The following SLC4A7 variants were observed in gnomAD, a reference collection of about 807,000 sequenced individuals.
The protein encoded by SLC4A7 is sodium bicarbonate cotransporter 3.
A neutral mutation model predicts 137.6 loss-of-function variants in SLC4A7; 51 were observed. That is an observed-to-expected ratio of 0.37 (90% CI 0.30 to 0.47). The LOEUF (loss-of-function observed/expected upper bound fraction) is 0.47. Among genes scored for constraint, SLC4A7 ranks in the 20% least tolerant of loss-of-function variants. The probability of loss-of-function intolerance (pLI) is 1.00; values close to 1 mark genes in which losing one functional copy is unlikely to be tolerated. For missense variants in SLC4A7, 1,247 were observed against 1,525.4 expected, an observed-to-expected ratio of 0.82 and a Z score of 3.04; for synonymous variants, 542 against 518.6, an observed-to-expected ratio of 1.05 and a Z score of -0.61.
chr3:27,412,550 T>C (rs1193408243), intron 11 of SLC4A7, among the ~76,000 whole-genome samples: 1 of 152,122 alleles, frequency 6.6e-6, no homozygotes, highest in Non-Finnish European at 1.5e-5. Flanking sequence ...GCAAGGCTCA[T>C]CTACAAATAT....
At chr3:27,465,423 A>G (rs2058932558) in intron 1 of SLC4A7, among the ~76,000 whole-genome samples, 1 of 151,760 alleles carries the variant, frequency 6.6e-6, no homozygotes, top group Admixed American at 6.6e-5. Flanking sequence ...AGATGGTTCA[A>G]AATTTTCCTA....
At position 27,405,091 on chromosome 3, in the gene SLC4A7, T is replaced by G. The variant is rs140711195; in HGVS notation, c.1942-128A>C. On this transcript the variant is annotated intron_variant, in intron 13 of 25. Coordinates refer to ENST00000454389, the MANE Select transcript of SLC4A7 (RefSeq NM_001321103.2). The stretch of plus-strand genomic sequence containing the variant: ...AGCAGTTATAAAACCAACACCACTT[T>G]GAGTTTTTAATTTAAAATATAAAAA... 686 of 473,426 alleles carry G rather than the reference T, an allele frequency of 1.4e-3. 1 individual carries two copies. Among genetic ancestry groups the G allele is most frequent in the African/African-American group, 0.012 (592 of 49,636 alleles). The allele number at this position is 473,426 out of a possible 1,614,324, so 29.3% of individuals were successfully genotyped here.
intron 3 of SLC4A7, among the ~76,000 whole-genome samples, chr3:27,438,842 T>C (rs1576465567): frequency 6.6e-6 from 1 of 152,146 alleles, no homozygotes; most frequent in Admixed American, 6.5e-5. Context: ...ATACAGAAAC[T>C]GTCTTTTCCT....
At chr3:27,380,973 A>C (rs949727045) in intron 24 of SLC4A7, among the ~76,000 whole-genome samples, 2 of 152,200 alleles carry the variant, frequency 1.3e-5, no homozygotes, top group South Asian at 2.1e-4. Context: ...ATAGGAAAAA[A>C]TTTGCCTGCA....
At chr3:27,446,875 GTTTTTT>G (rs59612875) in intron 3 of SLC4A7, among the ~76,000 whole-genome samples, 1 of 91,186 alleles carries the variant, frequency 1.1e-5, no homozygotes, top group East Asian at 2.3e-4. Flanking sequence ...GTTTTTTTTT[GTTTTTT>G]TTTGTTTTTT....
At chr3:27,420,850 C>A in intron 9 of SLC4A7, 63 bp from the exon 10 acceptor site, 3 of 1,095,892 alleles carry the variant, frequency 2.7e-6, no homozygotes, top group South Asian at 1.4e-5. Flanking sequence ...GCTAGGCAAT[C>A]ATAAAAAAGA....
chr3:27,431,810 C>A (rs1420070313), intron 6 of SLC4A7, 141 bp from the exon 7 acceptor site: 4 of 768,532 alleles, frequency 5.2e-6, no homozygotes, highest in Non-Finnish European at 7.5e-6. Flanking sequence ...GTTAGCATGT[C>A]AATCGGGTTT....
chr3:27,420,866 T>C, intron 9 of SLC4A7, 79 bp from the exon 10 acceptor site: 1 of 944,972 alleles, frequency 1.1e-6, no homozygotes, highest in Non-Finnish European at 1.6e-6. Flanking sequence ...AAAGAAACCA[T>C]TCAAATATAA....
intron 7 of SLC4A7, among the ~76,000 whole-genome samples, chr3:27,429,251 C>A (rs894678774): frequency 2.0e-5 from 3 of 151,678 alleles, no homozygotes; most frequent in Non-Finnish European, 2.9e-5. Context: ...GGCGACAAAG[C>A]GAGACTCTCC....
intron 3 of SLC4A7, among the ~76,000 whole-genome samples, chr3:27,446,043 C>G (rs1356034960): frequency 7.4e-6 from 1 of 134,700 alleles, no homozygotes; most frequent in African/African-American, 2.8e-5. Context: ...TGTATTCTCA[C>G]TATACACAAT....
intron 7 of SLC4A7, among the ~76,000 whole-genome samples, chr3:27,429,191 G>A (rs1251847921): frequency 3.3e-5 from 5 of 150,582 alleles, no homozygotes; most frequent in Admixed American, 6.6e-5. Flanking sequence ...ACTTGAACCC[G>A]GGAGGCGGAG....
rs1271490353 is a variant in SLC4A7, at chr3:27,421,720, C to T, written c.1326G>A (p.Val442=). ...PTGAEASNVL[V]GEVDFLERPI... is the part of the protein sequence containing the mutation. ...GCCTTTCCAAAAAGTCTACTTCGCC[C>T]ACCAGGACGTTGGATGCCTCAGCAC... Residue 442 remains valine, a synonymous_variant, in exon 9 of 26, where the codon GTG becomes GTA. Transcript: ENST00000454389. 6.2e-7 allele frequency: 1 copy of T among 1,613,866 alleles called. No individual in the cohort carries two copies. The highest frequency in any genetic ancestry group is 2.2e-5 in the East Asian group (1 of 44,872).
In SLC4A7 at chr3:27,421,774, A is replaced by G; in HGVS notation, c.1272T>C (p.Asp424=). ...TAGGAATTTTTCTCATGAAATTCAT[A>G]TCAACCTATTGACAAATAAATAATT... ...ENSTVDFSKV[D]MNFMRKIPTG... is the part of the protein sequence containing the mutation. Residue 424 remains aspartate, a synonymous_variant, in exon 9 of 26, where the codon GAT becomes GAC. Coordinates refer to ENST00000454389, the MANE Select transcript of SLC4A7 (RefSeq NM_001321103.2). The G allele has an allele frequency of 6.2e-7, 1 of 1,609,782 alleles. No homozygotes were observed.
intron 1 of SLC4A7, among the ~76,000 whole-genome samples, chr3:27,472,715 C>CTA (rs1246847506): frequency 6.6e-6 from 1 of 152,166 alleles, no homozygotes; most frequent in African/African-American, 2.4e-5. Context: ...TATTAAAATA[C>CTA]TGTTTTGATT....
At chr3:27,459,868 G>T (rs1307779431) in intron 1 of SLC4A7, among the ~76,000 whole-genome samples, 1 of 151,004 alleles carries the variant, frequency 6.6e-6, no homozygotes, top group Non-Finnish European at 1.5e-5. Context: ...TTATGTCTTG[G>T]TTTATCAATT....
intron 15 of SLC4A7, among the ~76,000 whole-genome samples, chr3:27,401,731 G>C (rs2052762477): frequency 6.6e-6 from 1 of 152,166 alleles, no homozygotes; most frequent in Non-Finnish European, 1.5e-5. Context: ...GACGCTCATA[G>C]AATGTTGGCC....
Position 27,431,546 on chromosome 3 carries a change from C to A in SLC4A7, c.902G>T (p.Gly301Val), listed in dbSNP as rs746132270. The A allele has an allele frequency of 6.2e-7, 1 of 1,613,972 alleles. No individual in the cohort carries two copies. The highest frequency in any genetic ancestry group is 8.5e-7 in the Non-Finnish European group (1 of 1,179,974). ...TGTACACCTTGAGCCTGCAGGGGTT[C>A]CAGCTCTTGAAGAAGGAAGAAGATG... ...LGHLLPSSRAGTPAGSRCTTP... is the reference protein window; with the variant it reads ...LGHLLPSSRAVTPAGSRCTTP... The change falls in exon 7 of 26, where the codon GGA (glycine) becomes GTA (valine). Residue 301 changes from glycine (G) to valine (V), a missense_variant. Physicochemically the swap from Gly to Val is moderately radical, Grantham distance 109. Around this residue, in one of 6 missense-constraint regions of SLC4A7, gnomAD observed 223 missense variants for 203.6 expected, o/e 1.10. Coordinates refer to ENST00000454389, the MANE Select transcript of SLC4A7 (RefSeq NM_001321103.2).
Position 27,424,110 on chromosome 3 carries a change from T to C in SLC4A7, c.1193A>G (p.Asn398Ser). 1 of 1,611,852 alleles carries C rather than the reference T, an allele frequency of 6.2e-7. No homozygotes were observed. Among genetic ancestry groups the C allele is most frequent in the Non-Finnish European group, 8.5e-7 (1 of 1,178,728 alleles). ...ACCTTTAATTTCTCCACTTTTACTA[T>C]TGTCCAAGTTTCCAGGAGCAGACTG... is the stretch of plus-strand genomic sequence containing the variant. The part of the protein sequence containing the change: ...SPQSAPGNLD[N>S]SKSGEIKGNG... The change falls in exon 8 of 26, where the codon AAT becomes AGT. Residue 398 changes from asparagine to serine, a missense_variant. Transcript: ENST00000454389.
intron 22 of SLC4A7, among the ~76,000 whole-genome samples, chr3:27,387,469 ACCACCCC>A (rs2051091002): frequency 6.6e-6 from 1 of 152,216 alleles, no homozygotes; most frequent in South Asian, 2.1e-4. Context: ...TCACAATGAC[ACCACCCC>A]CCACCCCAAC....
Sources: allele counts gnomAD v4.1 joint callset (sites outside exome capture counted in the v4.1 genomes callset), GRCh38; gene constraint gnomAD v4.1.1; regional missense constraint gnomAD v4.1.1; transcripts MANE v1.5; gene names NCBI Gene and HGNC (gene_info 2026-07-23, HGNC 2026-07-21).